PXT1: variants seen among roughly 807,000 people sequenced by gnomAD.
PXT1 encodes the protein peroxisomal testis-specific protein 1.
Under a neutral mutation model 11.0 loss-of-function variants are expected in PXT1, and 11 were observed. That is an observed-to-expected ratio of 1.00 (90% CI 0.63 to 1.66). The LOEUF is 1.66. PXT1 is among the 40% of genes most tolerant of loss of function. The pLI, the probability that PXT1 is intolerant of heterozygous loss-of-function variation, is 0.00. For missense variants in PXT1, 141 were observed against 155.5 expected, an observed-to-expected ratio of 0.91 and a Z score of 0.49; for synonymous variants, 43 against 51.4, an observed-to-expected ratio of 0.84 and a Z score of 0.70.
chr6:36,397,586 A>T (rs1395936754), intron 4 of PXT1, among the ~76,000 whole-genome samples: 1 of 152,218 alleles, frequency 6.6e-6, no homozygotes, highest in East Asian at 1.9e-4. Context: ...TAAGTGTGAC[A>T]CCCAAAGCAA....
intron 3 of PXT1, among the ~76,000 whole-genome samples, chr6:36,412,529 G>A (rs887973068): frequency 7.2e-5 from 11 of 151,916 alleles, no homozygotes; most frequent in African/African-American, 2.7e-4. Context: ...GTGTGGTGGT[G>A]CACACCTGTA....
At position 36,433,734 on chromosome 6, in the gene PXT1, AGAAT is replaced by A. The variant is rs1774725437; in HGVS notation, c.-10+5029_-10+5032del. The stretch of plus-strand genomic sequence containing the variant: ...CAGCTTCTCGGGAGGCTGAGGCAGG[AGAAT>A]GGCATGAACCTGGGAGGCAGAGATT... On this transcript the variant is annotated intron_variant, in intron 2 of 4. Coordinates refer to ENST00000454782, the MANE Select transcript of PXT1 (RefSeq NM_152990.4). Among the ~76,000 whole-genome samples, 14 of 150,658 alleles carry A rather than the reference AGAAT, an allele frequency of 9.3e-5. No homozygotes were observed. The South Asian group carries it at 2.8e-3, about 30-fold the overall frequency.
chr6:36,432,197 G>A (rs1774702784), intron 2 of PXT1, among the ~76,000 whole-genome samples: 1 of 152,140 alleles, frequency 6.6e-6, no homozygotes, highest in African/African-American at 2.4e-5. Flanking sequence ...TTTAAGTTAG[G>A]ACCTAAAATT....
At chr6:36,433,061 G>C (rs2127418288) in intron 2 of PXT1, among the ~76,000 whole-genome samples, 1 of 152,118 alleles carries the variant, frequency 6.6e-6, no homozygotes, top group Non-Finnish European at 1.5e-5. Context: ...TAGCTTTTAG[G>C]ACTTTATTCT....
In PXT1 at chr6:36,391,755, A is replaced by C; in HGVS notation, c.*15T>G. 1 of 1,546,022 alleles carries C rather than the reference A, an allele frequency of 6.5e-7. No homozygotes were observed. The highest frequency in any genetic ancestry group is 8.9e-7 in the Non-Finnish European group (1 of 1,118,296). On this transcript the variant is annotated 3_prime_UTR_variant, in exon 5 of 5. Coordinates refer to ENST00000454782, the MANE Select transcript of PXT1 (RefSeq NM_152990.4). The stretch of plus-strand genomic sequence containing the variant: ...AAAGAAAACAGAACTTGACCACTTG[A>C]CCTTTACTTTCCTTTTACAGCAAAT...
At chr6:36,399,936 G>C (rs368598455) in intron 4 of PXT1, among the ~76,000 whole-genome samples, 2 of 152,290 alleles carry the variant, frequency 1.3e-5, no homozygotes, top group East Asian at 1.9e-4. Flanking sequence ...TCTCCTCCCT[G>C]ACTGTGCATT....
chr6:36,418,022 C>A (rs1774475236), intron 3 of PXT1, among the ~76,000 whole-genome samples: 1 of 150,658 alleles, frequency 6.6e-6, no homozygotes, highest in Non-Finnish European at 1.5e-5. Context: ...TGGTAAAACC[C>A]CGTCTCTACT....
At chr6:36,431,622 C>T (rs1298506312) in intron 2 of PXT1, among the ~76,000 whole-genome samples, 1 of 152,026 alleles carries the variant, frequency 6.6e-6, no homozygotes, top group Non-Finnish European at 1.5e-5. Flanking sequence ...GAAAAATTAC[C>T]TGGGTGTAGT....
intron 3 of PXT1, among the ~76,000 whole-genome samples, chr6:36,424,992 A>G (rs1180354237): frequency 6.6e-6 from 1 of 152,188 alleles, no homozygotes; most frequent in Non-Finnish European, 1.5e-5. Context: ...GTGGCATGTA[A>G]TTCTTTTAAA....
chr6:36,413,486 C>G (rs1195904030), intron 3 of PXT1, among the ~76,000 whole-genome samples: 2 of 152,048 alleles, frequency 1.3e-5, no homozygotes, highest in East Asian at 3.9e-4. Flanking sequence ...AAAAACTTCA[C>G]CCTTTGAACA....
intron 2 of PXT1, among the ~76,000 whole-genome samples, chr6:36,433,533 G>A (rs1035534496): frequency 6.6e-6 from 1 of 151,954 alleles, no homozygotes; most frequent in Non-Finnish European, 1.5e-5. Context: ...CATGAAAAGA[G>A]GCTAGGCCGG....
intron 3 of PXT1, among the ~76,000 whole-genome samples, chr6:36,410,273 A>C (rs989626620): frequency 6.6e-6 from 1 of 152,154 alleles, no homozygotes; most frequent in African/African-American, 2.4e-5. Context: ...CAACACGGAA[A>C]AACCCTGTCT....
intron 4 of PXT1, among the ~76,000 whole-genome samples, chr6:36,394,661 G>A (rs1017134766): frequency 6.6e-6 from 1 of 151,414 alleles, no homozygotes; most frequent in African/African-American, 2.4e-5. Flanking sequence ...AATTCTAAAA[G>A]TGATGAGAAG....
chr6:36,427,098 G>C (rs1582268943), intron 2 of PXT1, among the ~76,000 whole-genome samples: 1 of 151,108 alleles, frequency 6.6e-6, no homozygotes, highest in East Asian at 1.9e-4. Flanking sequence ...TGCCTCCTGG[G>C]TTCAAGCAAT....
chr6:36,412,570 G>A (rs1215995808), intron 3 of PXT1, among the ~76,000 whole-genome samples: 3 of 151,370 alleles, frequency 2.0e-5, no homozygotes, highest in African/African-American at 7.3e-5. Flanking sequence ...TGAGGCCAGA[G>A]AATCACTTGA....
At position 36,400,594 on chromosome 6, in the gene PXT1, G is replaced by GA. The variant is rs772158663; in HGVS notation, c.170-11dup. On this transcript the variant is annotated splice_polypyrimidine_tract_variant and intron_variant, in intron 3 of 4. Transcript: ENST00000454782. ...GAAAGTAGATTATGATCTGCATTGA[G>GA]AAAAAAGAGTTCAAAAGAGATAATC... 82 of 1,606,306 alleles carry GA rather than the reference G, an allele frequency of 5.1e-5. No individual in the cohort carries two copies. Among genetic ancestry groups the GA allele is most frequent in the Admixed American group, 2.2e-4 (13 of 58,714 alleles).
At chr6:36,395,598 G>T (rs1020331599) in intron 4 of PXT1, among the ~76,000 whole-genome samples, 10 of 142,936 alleles carry the variant, frequency 7.0e-5, no homozygotes, top group Admixed American at 2.2e-4. Flanking sequence ...GACTTCCCAG[G>T]TTCAAGCGAT....
At chr6:36,441,591 G>A (rs775150262) in intron 1 of PXT1, among the ~76,000 whole-genome samples, 17 of 152,130 alleles carry the variant, frequency 1.1e-4, no homozygotes, top group Non-Finnish European at 1.9e-4. Flanking sequence ...AGCCACTGAC[G>A]CAAGCAGCAG....
intron 2 of PXT1, among the ~76,000 whole-genome samples, chr6:36,428,421 A>AAAAAAAAAAAAAAT (rs1774639289): frequency 6.6e-6 from 1 of 151,972 alleles, no homozygotes; most frequent in African/African-American, 2.4e-5. Flanking sequence ...AGACTGAAAA[A>AAAAAAAAAAAAAAT]AAAGACAACT....
Sources: allele counts gnomAD v4.1 joint callset (sites outside exome capture counted in the v4.1 genomes callset), GRCh38; gene constraint gnomAD v4.1.1; transcripts MANE v1.5; gene names NCBI Gene and HGNC (gene_info 2026-07-23, HGNC 2026-07-21).